Variants in GALNTL6 observed in about 807,000 individuals in gnomAD.
The protein encoded by GALNTL6 is polypeptide N-acetylgalactosaminyltransferase like 6.
A neutral mutation model predicts 73.7 loss-of-function variants in GALNTL6; 46 were observed. That is an observed-to-expected ratio of 0.62 (90% CI 0.49 to 0.80). The LOEUF is 0.80. Among genes scored for constraint, GALNTL6 ranks in the 30% least tolerant of loss-of-function variants. GALNTL6 has a pLI of 0.00. For missense variants in GALNTL6, 604 were observed against 755.0 expected (o/e 0.80, Z 2.34); for synonymous variants, 259 against 263.7 (o/e 0.98, Z 0.17).
At chr4:172,052,473 G>C in intron 2 of GALNTL6, 1 of 1,535,218 alleles carries the variant, frequency 6.5e-7, no homozygotes, top group Non-Finnish European at 8.7e-7. Flanking sequence ...GCCGGAGCTG[G>C]CCACCAGAGG....
intron 2 of GALNTL6, among the ~76,000 whole-genome samples, chr4:172,203,574 C>A (rs1736019866): frequency 6.6e-6 from 1 of 152,058 alleles, no homozygotes; most frequent in Non-Finnish European, 1.5e-5. Context: ...CCATTTTTAA[C>A]CTGGGAGGCA....
At chr4:171,995,172 T>C (rs912085599) in intron 2 of GALNTL6, among the ~76,000 whole-genome samples, 2 of 152,094 alleles carry the variant, frequency 1.3e-5, no homozygotes, top group Admixed American at 1.3e-4. Flanking sequence ...TTATGAGACA[T>C]TTTGTTCATA....
rs184077007 is a variant in GALNTL6, at chr4:172,866,602, A to G, written c.924-16188A>G. On this transcript the variant is annotated intron_variant, in intron 7 of 12. Transcript: ENST00000506823. ...TACAAAGTCCAAACTCCTCAGCATT[A>G]CACACGGTCCCTCCGCTCAACCAGC... Among the ~76,000 whole-genome samples, 120 of 152,292 alleles carry G rather than the reference A, an allele frequency of 7.9e-4. 1 individual carries two copies. Among genetic ancestry groups the G allele is most frequent in the African/African-American group, 2.8e-3 (118 of 41,562 alleles).
chr4:172,691,490 C>T (rs890260949), intron 5 of GALNTL6, among the ~76,000 whole-genome samples: 5 of 152,186 alleles, frequency 3.3e-5, no homozygotes, highest in African/African-American at 1.2e-4. Flanking sequence ...GACTCAGACT[C>T]TTTAGGAGTA....
At chr4:172,977,097 C>T (rs1750846797) in intron 10 of GALNTL6, among the ~76,000 whole-genome samples, 1 of 152,198 alleles carries the variant, frequency 6.6e-6, no homozygotes, top group South Asian at 2.1e-4. Flanking sequence ...ACATTCTCTC[C>T]ATGTAAGCAG....
At chr4:172,361,183 C>G in intron 5 of GALNTL6, among the ~76,000 whole-genome samples, 1 of 152,080 alleles carries the variant, frequency 6.6e-6, no homozygotes, top group Non-Finnish European at 1.5e-5. Flanking sequence ...GAAAGGTAAT[C>G]TATTTTGTTA....
intron 2 of GALNTL6, among the ~76,000 whole-genome samples, chr4:171,944,367 T>C (rs1738640785): frequency 6.6e-6 from 1 of 152,036 alleles, no homozygotes; most frequent in African/African-American, 2.4e-5. Flanking sequence ...GTATGAAGAC[T>C]AAGTGATCTA....
intron 4 of GALNTL6, among the ~76,000 whole-genome samples, chr4:172,324,068 T>A (rs943904043): frequency 6.6e-6 from 1 of 152,006 alleles, no homozygotes; most frequent in Non-Finnish European, 1.5e-5. Flanking sequence ...TGCTGCCTGT[T>A]TATTATGATT....
At chr4:172,173,868 T>C (rs994140717) in intron 2 of GALNTL6, among the ~76,000 whole-genome samples, 1 of 152,072 alleles carries the variant, frequency 6.6e-6, no homozygotes, top group African/African-American at 2.4e-5. Context: ...ATGGCCCGTG[T>C]GGCTAAAACA....
chr4:172,288,781 G>T (rs13117858), intron 3 of GALNTL6, among the ~76,000 whole-genome samples: 33,176 of 151,972 alleles, frequency 0.22, 4,631 homozygotes, highest in African/African-American at 0.4. Context: ...ACTGTAAATT[G>T]TAACTCGACT....
rs112569061 is a variant in GALNTL6, at chr4:171,857,413, A to G, written c.138+42695A>G. On this transcript the variant is annotated intron_variant, in intron 2 of 12. Coordinates refer to ENST00000506823, the MANE Select transcript of GALNTL6 (RefSeq NM_001034845.3). ...AATGCAGGGTAAGAAAAAATGTTTCAGATGTGGTGGTGATGGCTTTAACAT... is the reference window on the plus strand; with the variant it reads ...AATGCAGGGTAAGAAAAAATGTTTCGGATGTGGTGGTGATGGCTTTAACAT... Among the ~76,000 whole-genome samples, 1,287 of 152,250 alleles carry G rather than the reference A, an allele frequency of 8.5e-3. 29 individuals are homozygous for G. The highest frequency in any genetic ancestry group is 0.03 in the African/African-American group (1,228 of 41,550).
intron 7 of GALNTL6, among the ~76,000 whole-genome samples, chr4:172,825,043 A>G (rs1024132834): frequency 2.3e-5 from 3 of 132,680 alleles, no homozygotes; most frequent in African/African-American, 8.1e-5. Flanking sequence ...AATCGGTGGG[A>G]CAATTCTTTT....
At chr4:171,955,045 G>A (rs2111037255) in intron 2 of GALNTL6, among the ~76,000 whole-genome samples, 1 of 152,224 alleles carries the variant, frequency 6.6e-6, no homozygotes, top group East Asian at 1.9e-4. Flanking sequence ...AGCAGTGTGA[G>A]AATGAACTAA....
At chr4:171,837,524 T>G (rs1198075743) in intron 2 of GALNTL6, among the ~76,000 whole-genome samples, 1 of 145,664 alleles carries the variant, frequency 6.9e-6, no homozygotes, top group Non-Finnish European at 1.5e-5. Context: ...TGTTAGCAAC[T>G]TCATACTAAA....
At chr4:172,099,048 A>G (rs1237739789) in intron 2 of GALNTL6, among the ~76,000 whole-genome samples, 1 of 152,164 alleles carries the variant, frequency 6.6e-6, no homozygotes, top group Non-Finnish European at 1.5e-5. Context: ...ACCTAAATAT[A>G]TATTGCCAAA....
intron 3 of GALNTL6, among the ~76,000 whole-genome samples, chr4:172,309,801 T>C (rs1173856944): frequency 6.6e-6 from 1 of 152,038 alleles, no homozygotes; most frequent in Non-Finnish European, 1.5e-5. Context: ...ATAACTTTAG[T>C]GTGTGCTATT....
chr4:171,914,016 C>T (rs1162329120), intron 2 of GALNTL6, among the ~76,000 whole-genome samples: 1 of 151,860 alleles, frequency 6.6e-6, no homozygotes. Flanking sequence ...GTTAAAAGTA[C>T]TCAATTCTGG....
At chr4:171,977,589 C>G (rs1488490036) in intron 2 of GALNTL6, among the ~76,000 whole-genome samples, 2 of 151,966 alleles carry the variant, frequency 1.3e-5, no homozygotes, top group African/African-American at 4.8e-5. Flanking sequence ...GAATGAGGAC[C>G]CACTCATTTT....
At chr4:172,453,519 G>A (rs1732287827) in intron 5 of GALNTL6, among the ~76,000 whole-genome samples, 1 of 152,156 alleles carries the variant, frequency 6.6e-6, no homozygotes, top group Non-Finnish European at 1.5e-5. Flanking sequence ...CACATCTGCA[G>A]TTGTATTAAG....
Sources: allele counts gnomAD v4.1 joint callset (sites outside exome capture counted in the v4.1 genomes callset), GRCh38; gene constraint gnomAD v4.1.1; transcripts MANE v1.5; gene names NCBI Gene and HGNC (gene_info 2026-07-23, HGNC 2026-07-21).